Variants in BMP4 observed in about 807,000 individuals in gnomAD.
The protein encoded by BMP4 is bone morphogenetic protein 2B.
BMP4 carries 3 observed loss-of-function variants against 29.6 expected under a neutral mutation model. That is an observed-to-expected ratio of 0.10 (90% CI 0.05 to 0.26). The LOEUF (loss-of-function observed/expected upper bound fraction) is 0.26. BMP4 is among the 10% of genes least tolerant of loss of function. The pLI is 1.00. For missense variants in BMP4, 455 were observed against 550.2 expected (o/e 0.83, Z 1.73); for synonymous variants, 197 against 213.2 (o/e 0.92, Z 0.66).
intron 3 of BMP4, 155 bp downstream of exon 3, chr14:53,951,698 C>T: frequency 8.1e-7 from 1 of 1,229,046 alleles, no homozygotes; most frequent in Non-Finnish European, 1.1e-6. Flanking sequence ...AGTTCGGCGG[C>T]AGCTCTGCAA....
chr14:53,953,484 C>A (rs1382913935), intron 1 of BMP4, 84 bp from the exon 2 acceptor site: 4 of 397,000 alleles, frequency 1.0e-5, no homozygotes, highest in African/African-American at 8.2e-5. Flanking sequence ...ACGTGAGCGC[C>A]GAGGCCCCTC....
intron 3 of BMP4, chr14:53,951,281 G>A: frequency 3.7e-6 from 1 of 267,436 alleles, no homozygotes; most frequent in Non-Finnish European, 7.2e-6. Flanking sequence ...AGCACAGGCA[G>A]GAGGAAACAT....
chr14:53,953,227 G>C (rs1299608131), intron 2 of BMP4, 49 bp downstream of exon 2: 5 of 395,182 alleles, frequency 1.3e-5, no homozygotes, highest in Non-Finnish European at 2.2e-5. Context: ...CAGGGGTGGT[G>C]AGGGCAGAGT....
rs1895447235 is a variant in BMP4 at position 53,951,973 on chromosome 14, G to A, written c.250C>T (p.Arg84Trp). 1.9e-6 allele frequency: 3 copies of A among 1,612,588 alleles called. No homozygotes were observed. The East Asian group carries it at 6.7e-5, about 36-fold the overall frequency. The stretch of plus-strand genomic sequence containing the variant: ...CCAGACTGAAGCCGGTAAAGATCCC[G>A]CATGTAGTCCGGAATGACGGCACTC... The part of the protein sequence containing the change: ...SKSAVIPDYM[R>W]DLYRLQSGEE... Residue 84 changes from arginine to tryptophan, a missense_variant, in exon 3 of 4, where the codon CGG (arginine) becomes TGG (tryptophan). Around this residue, in one of 4 missense-constraint regions of BMP4, gnomAD observed 249 missense variants for 284.6 expected, o/e 0.87. Coordinates refer to ENST00000245451, the MANE Select transcript of BMP4 (RefSeq NM_001202.6).
rs771808387 is a variant in BMP4, at chr14:53,952,011, G to C, written c.212C>G (p.Pro71Arg). The change falls in exon 3 of 4, where the codon CCG (proline) becomes CGG (arginine). Residue 71 changes from proline (P) to arginine (R), a missense_variant. Pro to Arg is a moderately radical substitution (Grantham distance 103, BLOSUM62 -2). Around this residue, in one of 4 missense-constraint regions of BMP4, gnomAD observed 249 missense variants for 284.6 expected, o/e 0.87. Coordinates refer to ENST00000245451, the MANE Select transcript of BMP4 (RefSeq NM_001202.6). Reference sequence around the variant, plus strand: ...AATGACGGCACTCTTGCTAGGCTGCGGGCGGCGGCGCAGCCCAAACATCTG... The same window carrying C: ...AATGACGGCACTCTTGCTAGGCTGCCGGCGGCGGCGCAGCCCAAACATCTG... ...LLQMFGLRRRPQPSKSAVIPD... is the reference protein window; with the variant it reads ...LLQMFGLRRRRQPSKSAVIPD... The C allele has an allele frequency of 1.9e-6, 3 of 1,613,894 alleles. No homozygotes were observed. Among genetic ancestry groups the C allele is most frequent in the Non-Finnish European group, 2.5e-6 (3 of 1,180,030 alleles).
At chr14:53,951,141 T>A (rs1399004069) in intron 3 of BMP4, among the ~76,000 whole-genome samples, 1 of 152,148 alleles carries the variant, frequency 6.6e-6, no homozygotes, top group Non-Finnish European at 1.5e-5. Context: ...CTCCTTGATA[T>A]GTCTAATAAT....
rs752585643 is a variant in BMP4, at chr14:53,950,696, G to A, written c.563C>T (p.Ala188Val). 1.2e-6 allele frequency: 2 copies of A among 1,614,112 alleles called. No homozygotes were observed. ...INIYEVMKPP[A>V]EVVPGHLITR... is the part of the protein sequence containing the mutation. ...GATGAGGTGCCCAGGCACCACTTCT[G>A]CTGGGGGCTTCATAACCTCATAAAT... is the stretch of plus-strand genomic sequence containing the variant. Residue 188 changes from alanine to valine, a missense_variant, in exon 4 of 4, where the codon GCA becomes GTA. Around this residue, in one of 4 missense-constraint regions of BMP4, gnomAD observed 249 missense variants for 284.6 expected, o/e 0.87. Coordinates refer to ENST00000245451, the MANE Select transcript of BMP4 (RefSeq NM_001202.6). The surrounding 1 kb of genome is among the most constrained non-coding windows in gnomAD (Gnocchi z 5.4).
chr14:53,949,900 TTA>T lies in BMP4; in HGVS notation c.*130_*131del. 4.3e-6 allele frequency: 4 copies of T among 936,396 alleles called. No homozygotes were observed. The highest frequency in any genetic ancestry group is 2.7e-5 in the East Asian group (1 of 37,342). 58.0% of individuals were successfully genotyped at this position (936,396 alleles called of 1,614,324 possible). On this transcript the variant is annotated 3_prime_UTR_variant, in exon 4 of 4. Coordinates refer to ENST00000245451, the MANE Select transcript of BMP4 (RefSeq NM_001202.6). ...ATTTTTTCCTTTTTTTTTTTTTTTTTTAAATAAAAGTCCAGCTATAAGGAAGC... is the reference window on the plus strand; with the variant it reads ...ATTTTTTCCTTTTTTTTTTTTTTTTTAATAAAAGTCCAGCTATAAGGAAGC...
Position 53,950,781 on chromosome 14 carries a change from G to C in BMP4, c.478C>G (p.Leu160Val). 1 of 1,613,704 alleles carries C rather than the reference G, an allele frequency of 6.2e-7. No individual in the cohort carries two copies. Among genetic ancestry groups the C allele is most frequent in the South Asian group, 1.1e-5 (1 of 91,084 alleles). ...NEVISSAELR[L>V]FREQVDQGPD... ...CCCTGGTCCACCTGCTCCCGGAAGA[G>C]CCGAAGCTCTGCAGAGGAGATCACC... The change falls in exon 4 of 4, where the codon CTC (leucine) becomes GTC (valine). Residue 160 changes from leucine (L) to valine (V), a missense_variant. Transcript: ENST00000245451. This position sits in a 1 kb window ranked among gnomAD's most constrained non-coding sequence, Gnocchi z 5.4.
chr14:53,951,643 CATT>C, intron 3 of BMP4: 1 of 734,144 alleles, frequency 1.4e-6, no homozygotes, highest in East Asian at 2.7e-5. Flanking sequence ...TGAGTGCTGT[CATT>C]CCCCTTCCCC....
chr14:53,956,724 A>C lies in BMP4; in HGVS notation c.-307T>G, dbSNP rs1219122158. The C allele has an allele frequency of 1.8e-5, 7 of 399,156 alleles. 1 individual carries two copies. The highest frequency in any genetic ancestry group is 1.4e-4 in the African/African-American group (7 of 48,740). 24.7% of individuals were successfully genotyped at this position (399,156 alleles called of 1,614,324 possible). ...TCAGCCGGAGCAGCAGCGGCGTCTC[A>C]GGCTCGCGTCCCTCAGCTCGGATGC... On this transcript the variant is annotated 5_prime_UTR_variant, in exon 1 of 4. Coordinates refer to ENST00000245451, the MANE Select transcript of BMP4 (RefSeq NM_001202.6).
chr14:53,952,506 A>C (rs889421906), intron 2 of BMP4, among the ~76,000 whole-genome samples: 5 of 151,972 alleles, frequency 3.3e-5, no homozygotes, highest in South Asian at 2.1e-4. Flanking sequence ...CCATCCTGTT[A>C]ATCTTTTTTT....
Position 53,955,491 on chromosome 14 carries a change from G to C in BMP4, c.-133+1059C>G, listed in dbSNP as rs940545602. 6.6e-6 allele frequency: 1 copy of C among 152,246 alleles called. No homozygotes were observed. The highest frequency in any genetic ancestry group is 2.4e-5 in the African/African-American group (1 of 41,456). 9.4% of individuals were successfully genotyped at this position (152,246 alleles called of 1,614,324 possible). On this transcript the variant is annotated intron_variant, in intron 1 of 3. Transcript: ENST00000245451. This position sits in a 1 kb window ranked among gnomAD's most constrained non-coding sequence, Gnocchi z 4.0. ...TTTCATCCCCAGAGCTTTTTATTGG[G>C]GGAAAGGAATGTAACTCGGGGTGGT...
chr14:53,950,792 G>C lies in BMP4; in HGVS notation c.467C>G (p.Ala156Gly), dbSNP rs1305060001. The change falls in exon 4 of 4, where the codon GCA becomes GGA. Residue 156 changes from alanine (A) to glycine (G), a missense_variant. Physicochemically the swap from Ala to Gly is moderately conservative, Grantham distance 60 (BLOSUM62 0). Around this residue, in one of 4 missense-constraint regions of BMP4, gnomAD observed 249 missense variants for 284.6 expected, o/e 0.87. Coordinates refer to ENST00000245451, the MANE Select transcript of BMP4 (RefSeq NM_001202.6). This position sits in a 1 kb window ranked among gnomAD's most constrained non-coding sequence, Gnocchi z 5.4. ...SIPENEVISS[A>G]ELRLFREQVD... ...CTGCTCCCGGAAGAGCCGAAGCTCT[G>C]CAGAGGAGATCACCTCGTTCTCAGG... 6.2e-7 allele frequency: 1 copy of C among 1,613,548 alleles called. No individual in the cohort carries two copies. The highest frequency in any genetic ancestry group is 8.5e-7 in the Non-Finnish European group (1 of 1,180,032).
chr14:53,955,958 G>GGC lies in BMP4; in HGVS notation c.-133+590_-133+591dup. ...GTCGACGAAAATAGCTCGTGGAGAA[G>GGC]GCGCGTCCTGCAACTGCAGTTCGCA... On this transcript the variant is annotated intron_variant, in intron 1 of 3. Coordinates refer to ENST00000245451, the MANE Select transcript of BMP4 (RefSeq NM_001202.6). The surrounding 1 kb of genome is among the most constrained non-coding windows in gnomAD (Gnocchi z 4.0). The GGC allele has an allele frequency of 6.6e-6, 1 of 152,464 alleles. No homozygotes were observed. Among genetic ancestry groups the GGC allele is most frequent in the Middle Eastern group, 3.4e-3 (1 of 294 alleles). 9.4% of individuals were successfully genotyped at this position (152,464 alleles called of 1,614,324 possible).
Position 53,950,492 on chromosome 14 carries a change from C to G in BMP4, c.767G>C (p.Arg256Pro). ...THQGQHVRIS[R>P]SLPQGSGNWA... is the part of the protein sequence containing the mutation. ...ATTCCCACTCCCTTGAGGTAACGAT[C>G]GGCTAATCCTGACATGCTGGCCCTG... The change falls in exon 4 of 4, where the codon CGA becomes CCA. Residue 256 changes from arginine to proline, a missense_variant. Transcript: ENST00000245451. This position sits in a 1 kb window ranked among gnomAD's most constrained non-coding sequence, Gnocchi z 5.4. 1 of 1,614,136 alleles carries G rather than the reference C, an allele frequency of 6.2e-7. No individual in the cohort carries two copies. The highest frequency in any genetic ancestry group is 8.5e-7 in the Non-Finnish European group (1 of 1,180,032).
Position 53,950,600 on chromosome 14 carries a change from G to A in BMP4, c.659C>T (p.Ala220Val), listed in dbSNP as rs752209771. 7 of 1,614,238 alleles carry A rather than the reference G, an allele frequency of 4.3e-6. No homozygotes were observed. Among genetic ancestry groups the A allele is most frequent in the South Asian group, 1.1e-5 (1 of 91,086 alleles). Residue 220 changes from alanine (A) to valine (V), a missense_variant, in exon 4 of 4, where the codon GCG becomes GTG. Around this residue, in one of 4 missense-constraint regions of BMP4, gnomAD observed 4 missense variants for 18.4 expected, o/e 0.22. Transcript: ENST00000245451. The surrounding 1 kb of genome is among the most constrained non-coding windows in gnomAD (Gnocchi z 5.4). ...CTTCTCCCGGGTCCAGCGAAGGACC[G>A]CAGGGCTCACATCAAAAGTTTCCCA... ...TRWETFDVSP[A>V]VLRWTREKQP...
At position 53,955,385 on chromosome 14, in the gene BMP4, A is replaced by G. The variant is rs1388715910; in HGVS notation, c.-133+1165T>C. On this transcript the variant is annotated intron_variant, in intron 1 of 3. Transcript: ENST00000245451. The surrounding 1 kb of genome is among the most constrained non-coding windows in gnomAD (Gnocchi z 4.0). ...AAGGGGAAGGGGGAGTTGTGTTTCA[A>G]TTTCGGATTCACCAGGATTCATCTC... 1 of 152,196 alleles carries G rather than the reference A, an allele frequency of 6.6e-6. No homozygotes were observed. Among genetic ancestry groups the G allele is most frequent in the Non-Finnish European group, 1.5e-5 (1 of 68,050 alleles). 9.4% of individuals were successfully genotyped at this position (152,196 alleles called of 1,614,324 possible). A position where few individuals can be genotyped will look rare whatever the true frequency, so the allele number is the denominator to read the frequency against.
At position 53,955,028 on chromosome 14, in the gene BMP4, G is replaced by A. The variant is rs540883354; in HGVS notation, c.-133+1522C>T. On this transcript the variant is annotated intron_variant, in intron 1 of 3. Transcript: ENST00000245451. This position sits in a 1 kb window ranked among gnomAD's most constrained non-coding sequence, Gnocchi z 4.0. The stretch of plus-strand genomic sequence containing the variant: ...CGGAGTCGACCAACACCTCAGGTCC[G>A]GGTGCGGAGGCCGCGGGCGCCCCTG... 1.3e-5 allele frequency among the ~76,000 whole-genome samples: 2 copies of A among 152,312 alleles called. No individual in the cohort carries two copies. Among genetic ancestry groups the A allele is most frequent in the South Asian group, 4.1e-4 (2 of 4,830 alleles).
Sources: allele counts gnomAD v4.1 joint callset (sites outside exome capture counted in the v4.1 genomes callset), GRCh38; gene constraint gnomAD v4.1.1; regional missense constraint gnomAD v4.1.1; non-coding constraint Gnocchi (gnomAD v3.1); transcripts MANE v1.5; gene names NCBI Gene and HGNC (gene_info 2026-07-23, HGNC 2026-07-21).